The following SHCBP1L variants were observed in gnomAD, a reference collection of about 807,000 sequenced individuals.
SHCBP1L encodes SHC binding and spindle associated 1 like, also known as testicular spindle-associated protein SHCBP1L.
A neutral mutation model predicts 62.5 loss-of-function variants in SHCBP1L; 67 were observed. The observed-to-expected ratio is 1.07, with a 90% confidence interval of 0.88 to 1.31. The LOEUF (loss-of-function observed/expected upper bound fraction) is 1.31. Ranked by LOEUF, SHCBP1L falls within the 40% of genes most tolerant of loss-of-function variation. SHCBP1L has a pLI of 0.00. For missense variants in SHCBP1L, 823 were observed against 809.8 expected (o/e 1.02, Z -0.20); for synonymous variants, 284 against 289.4 (o/e 0.98, Z 0.19).
At chr1:182,924,950 G>GAAAGAAAGAAAGAA (rs1328652905) in intron 6 of SHCBP1L, among the ~76,000 whole-genome samples, 5 of 111,562 alleles carry the variant, frequency 4.5e-5, no homozygotes, top group Non-Finnish European at 8.7e-5. Flanking sequence ...AAGAAAGAAA[G>GAAAGAAAGAAAGAA]AAAGAAAGAA....
intron 2 of SHCBP1L, chr1:182,942,428 G>A (rs1384712428): frequency 1.4e-6 from 1 of 694,886 alleles, no homozygotes; most frequent in Admixed American, 2.1e-5. Context: ...GGCGCGTGCC[G>A]GGTGCCTGCG....
At position 182,905,666 on chromosome 1, in the gene SHCBP1L, C is replaced by G. The variant is rs149844751; in HGVS notation, c.1183-17G>C. The G allele has an allele frequency of 1.9e-5, 31 of 1,606,710 alleles. No individual in the cohort carries two copies. The African/African-American group carries it at 3.9e-4, about 20-fold the overall frequency. ...ATCCTTTATCTAAAAAGAAATAAAACACTTGCGCTTTCAATAATAGGTTAA... is the reference window on the plus strand; with the variant it reads ...ATCCTTTATCTAAAAAGAAATAAAAGACTTGCGCTTTCAATAATAGGTTAA... On this transcript the variant is annotated splice_polypyrimidine_tract_variant and intron_variant, in intron 6 of 9. Transcript: ENST00000367547.
chr1:182,935,250 T>C (rs1221793927), intron 5 of SHCBP1L, among the ~76,000 whole-genome samples: 2 of 152,166 alleles, frequency 1.3e-5, no homozygotes, highest in East Asian at 3.8e-4. Flanking sequence ...TTGCACTGGA[T>C]CTACAGATCA....
At position 182,900,039 on chromosome 1, in the gene SHCBP1L, T is replaced by C; in HGVS notation, c.1906A>G (p.Asn636Asp). Residue 636 changes from asparagine to aspartate, a missense_variant, in exon 10 of 10, where the codon AAT becomes GAT. Asn to Asp is a conservative substitution (Grantham distance 23, BLOSUM62 1). Coordinates refer to ENST00000367547, the MANE Select transcript of SHCBP1L (RefSeq NM_030933.4). Reference sequence around the variant, plus strand: ...ACGTTTGCTTCTATCTTATTATTATTCATTTCCAGATTCAGATTTTGCATT... The same window carrying C: ...ACGTTTGCTTCTATCTTATTATTATCCATTTCCAGATTCAGATTTTGCATT... Reference protein sequence around the residue: ...KVMQNLNLEMNNNKIEANVKG... With the variant: ...KVMQNLNLEMDNNKIEANVKG... 6.2e-7 allele frequency: 1 copy of C among 1,613,380 alleles called. No individual in the cohort carries two copies. The highest frequency in any genetic ancestry group is 1.3e-5 in the African/African-American group (1 of 75,016).
Position 182,952,831 on chromosome 1 carries a change from C to T in SHCBP1L, c.303G>A (p.Glu101=). The T allele has an allele frequency of 6.2e-7, 1 of 1,612,082 alleles. No homozygotes were observed. The highest frequency in any genetic ancestry group is 8.5e-7 in the Non-Finnish European group (1 of 1,179,414). Residue 101 remains glutamate (E), a synonymous_variant, in exon 1 of 10, where the codon GAG becomes GAA. Transcript: ENST00000367547. The part of the protein sequence containing the change: ...EPLLPVPEDE[E]EAQPLPPVCV... ...AGACTGGGGGCAGGGGCTGCGCCTC[C>T]TCTTCATCCTCAGGCACTGGCAGCA...
At chr1:182,902,211 G>A (rs1557987696) in intron 9 of SHCBP1L, among the ~76,000 whole-genome samples, 1 of 151,596 alleles carries the variant, frequency 6.6e-6, no homozygotes, top group African/African-American at 2.4e-5. Flanking sequence ...CACCACGGTT[G>A]GCTAATTTTT....
chr1:182,911,361 G>C (rs75840362), intron 6 of SHCBP1L, among the ~76,000 whole-genome samples: 1 of 152,058 alleles, frequency 6.6e-6, no homozygotes, highest in African/African-American at 2.4e-5. Context: ...ATAAACAACC[G>C]AAACAAACCC....
At chr1:182,936,130 G>GTTTTTTTTTTT (rs71127329) in intron 5 of SHCBP1L, among the ~76,000 whole-genome samples, 6 of 63,984 alleles carry the variant, frequency 9.4e-5, no homozygotes, top group East Asian at 5.1e-4. Flanking sequence ...TTTGTTTTTT[G>GTTTTTTTTTTT]TTTTTTTTTT....
intron 6 of SHCBP1L, among the ~76,000 whole-genome samples, chr1:182,918,739 C>G (rs181490823): frequency 4.8e-4 from 73 of 152,236 alleles, no homozygotes; most frequent in Non-Finnish European, 6.6e-4. Context: ...ACTCACTCTT[C>G]TGATTCCAAA....
intron 7 of SHCBP1L, among the ~76,000 whole-genome samples, 171 bp from the exon 8 acceptor site, chr1:182,904,601 T>G (rs945181002): frequency 6.7e-6 from 1 of 149,382 alleles, no homozygotes; most frequent in African/African-American, 2.5e-5. Flanking sequence ...TTAGAGATGG[T>G]TCTCGCTATG....
intron 6 of SHCBP1L, among the ~76,000 whole-genome samples, chr1:182,916,808 C>T (rs769627133): frequency 6.6e-6 from 1 of 152,130 alleles, no homozygotes; most frequent in Non-Finnish European, 1.5e-5. Context: ...ATCTACCAAA[C>T]ATTTCAAAAA....
intron 6 of SHCBP1L, among the ~76,000 whole-genome samples, chr1:182,914,594 G>A (rs1186687910): frequency 2.0e-5 from 3 of 151,856 alleles, no homozygotes; most frequent in African/African-American, 7.3e-5. Context: ...CAATTCCCTT[G>A]ATAATCACCA....
chr1:182,919,124 A>T (rs554482099), intron 6 of SHCBP1L, among the ~76,000 whole-genome samples: 1 of 152,364 alleles, frequency 6.6e-6, no homozygotes, highest in Admixed American at 6.5e-5. Flanking sequence ...AAGCATGAGT[A>T]ACAAAAGAAA....
chr1:182,905,053 G>A, intron 7 of SHCBP1L, among the ~76,000 whole-genome samples: 1 of 152,142 alleles, frequency 6.6e-6, no homozygotes, highest in South Asian at 2.1e-4. Context: ...AGCTTTTGTT[G>A]TTGTTGTTGT....
chr1:182,904,222 C>T lies in SHCBP1L; in HGVS notation c.1545G>A (p.Gly515=). The T allele has an allele frequency of 6.2e-7, 1 of 1,614,068 alleles. No individual in the cohort carries two copies. The highest frequency in any genetic ancestry group is 8.5e-7 in the Non-Finnish European group (1 of 1,179,992). ...CEGTGVCVLT[G]AALTITDSEI... is the part of the protein sequence containing the mutation. ...CACTGTCTGTAATTGTCAAAGCAGC[C>T]CCTGTAAGAACACACACTCCTGTTC... Residue 515 remains glycine, a synonymous_variant, in exon 8 of 10, where the codon GGG becomes GGA. Coordinates refer to ENST00000367547, the MANE Select transcript of SHCBP1L (RefSeq NM_030933.4).
chr1:182,946,091 G>A (rs1421305341), intron 2 of SHCBP1L, among the ~76,000 whole-genome samples: 2 of 150,584 alleles, frequency 1.3e-5, no homozygotes, highest in Non-Finnish European at 3.0e-5. Context: ...AAGGTCTGAT[G>A]TCTGATGCCA....
chr1:182,909,876 C>T (rs1222130996), intron 6 of SHCBP1L, among the ~76,000 whole-genome samples: 2 of 152,160 alleles, frequency 1.3e-5, no homozygotes, highest in African/African-American at 4.8e-5. Context: ...ACAGCATTTT[C>T]AGTGATATTC....
In SHCBP1L at chr1:182,933,933, A is replaced by G. The variant is rs557266373; in HGVS notation, c.1077-4181T>C. On this transcript the variant is annotated intron_variant, in intron 5 of 9. Coordinates refer to ENST00000367547, the MANE Select transcript of SHCBP1L (RefSeq NM_030933.4). ...GATTCTTCTTTAAATGTGTGTCACA[A>G]TTCACCAGTGAAGACATCTAGTCCT... Among the ~76,000 whole-genome samples the G allele has an allele frequency of 7.2e-5, 11 of 152,318 alleles. No homozygotes were observed. In the East Asian group the frequency reaches 1.9e-3, roughly 27 times the overall value.
intron 5 of SHCBP1L, among the ~76,000 whole-genome samples, chr1:182,938,032 T>C (rs545977296): frequency 6.6e-6 from 1 of 152,312 alleles, no homozygotes; most frequent in South Asian, 2.1e-4. Flanking sequence ...GTTTAATGGG[T>C]ACTATAGCTG....
Sources: allele counts gnomAD v4.1 joint callset (sites outside exome capture counted in the v4.1 genomes callset), GRCh38; gene constraint gnomAD v4.1.1; transcripts MANE v1.5; gene names NCBI Gene and HGNC (gene_info 2026-07-23, HGNC 2026-07-21).